The following ZNF354A variants were observed in gnomAD, a reference collection of about 807,000 sequenced individuals.
ZNF354A encodes the protein epididymis luminal protein 104.
A neutral mutation model predicts 53.3 loss-of-function variants in ZNF354A; 25 were observed. The ratio of observed to expected loss-of-function variants is 0.47; its 90% confidence interval spans 0.34 to 0.66. The LOEUF (loss-of-function observed/expected upper bound fraction) is 0.66. Ranked by LOEUF, ZNF354A falls within the 30% of genes least tolerant of loss-of-function variation. The pLI is 0.01. For synonymous variants in ZNF354A, 228 were observed against 249.0 expected, an observed-to-expected ratio of 0.92 and a Z score of 0.79; for missense variants, 586 against 716.8, an observed-to-expected ratio of 0.82 and a Z score of 2.08.
At position 178,730,623 on chromosome 5, in the gene ZNF354A, T is replaced by C. The variant is rs1207657004; in HGVS notation, c.-119A>G. 3 of 151,842 alleles carry C rather than the reference T, an allele frequency of 2.0e-5. No homozygotes were observed. Among genetic ancestry groups the C allele is most frequent in the Non-Finnish European group, 4.4e-5 (3 of 67,938 alleles). 9.4% of individuals were successfully genotyped at this position (151,842 alleles called of 1,614,324 possible). A position where few individuals can be genotyped will look rare whatever the true frequency, so the allele number is the denominator to read the frequency against. On this transcript the variant is annotated 5_prime_UTR_variant, in exon 1 of 5. Transcript: ENST00000335815. ...GAGGCTCCGGAACCGCCGGCCGGGA[T>C]GCAGCCTCGCGACCCGGCTCCGCCC...
intron 2 of ZNF354A, among the ~76,000 whole-genome samples, chr5:178,728,321 T>C (rs2113888467): frequency 6.6e-6 from 1 of 152,336 alleles, no homozygotes; most frequent in South Asian, 2.1e-4. Context: ...ATAGCGATGA[T>C]GGCTGCACAG....
chr5:178,721,276 G>A (rs1449768546), intron 4 of ZNF354A, among the ~76,000 whole-genome samples: 2 of 151,996 alleles, frequency 1.3e-5, no homozygotes, highest in Non-Finnish European at 2.9e-5. Flanking sequence ...GATGGTATAG[G>A]CTACTACACA....
In ZNF354A at chr5:178,713,335, G is replaced by A. The variant is rs781494916; in HGVS notation, c.543C>T (p.Pro181=). Residue 181 remains proline, a synonymous_variant, in exon 5 of 5, where the codon CCC becomes CCT. Transcript: ENST00000335815. ...KSVLIRQQIL[P]REKTPPKCEI... is the part of the protein sequence containing the mutation. ...CACATTTTGGTGGTGTTTTTTCTCT[G>A]GGAAGTATCTGTTGCCTAATAAGCA... 2 of 1,614,080 alleles carry A rather than the reference G, an allele frequency of 1.2e-6. No homozygotes were observed. The highest frequency in any genetic ancestry group is 2.2e-5 in the South Asian group (2 of 91,082).
rs113735918 is a variant in ZNF354A at position 178,718,267 on chromosome 5, A to G, written c.257-4646T>C. 4.8e-3 allele frequency among the ~76,000 whole-genome samples: 732 copies of G among 152,326 alleles called. 10 individuals carry two copies. Among genetic ancestry groups the G allele is most frequent in the African/African-American group, 0.017 (712 of 41,564 alleles). The stretch of plus-strand genomic sequence containing the variant: ...AATAGGTCTCCTGAGGTGCAGTTCA[A>G]CCTTTGCTTCCTCCTAGAATCAAGC... On this transcript the variant is annotated intron_variant, in intron 4 of 4. Transcript: ENST00000335815.
In ZNF354A at chr5:178,727,132, G is replaced by A. The variant is rs752372328; in HGVS notation, c.34-7C>T. ...CCTCAAACGTCAGTGACACCTGTAA[G>A]GACAAGTCGTTCCAGCTCACCCAGG... On this transcript the variant is annotated splice_polypyrimidine_tract_variant and splice_region_variant and intron_variant, in intron 2 of 4. Coordinates refer to ENST00000335815, the MANE Select transcript of ZNF354A (RefSeq NM_005649.3). 12 of 1,610,580 alleles carry A rather than the reference G, an allele frequency of 7.5e-6. No individual in the cohort carries two copies. Among genetic ancestry groups the A allele is most frequent in the Non-Finnish European group, 1.0e-5 (12 of 1,178,368 alleles).
In ZNF354A at chr5:178,725,326, T is replaced by C. The variant is rs1188566887; in HGVS notation, c.256+50A>G. The C allele has an allele frequency of 1.0e-5, 16 of 1,575,686 alleles. No homozygotes were observed. The East Asian group carries it at 3.1e-4, about 31-fold the overall frequency. Reference sequence around the variant, plus strand: ...AACCAACGTTCCTACCTCCTCTCATTAACCAGACCATTGTCTGCGGCCATT... The same window carrying C: ...AACCAACGTTCCTACCTCCTCTCATCAACCAGACCATTGTCTGCGGCCATT... On this transcript the variant is annotated intron_variant, in intron 4 of 4. Transcript: ENST00000335815.
At chr5:178,717,951 G>C (rs1191565573) in intron 4 of ZNF354A, among the ~76,000 whole-genome samples, 1 of 152,186 alleles carries the variant, frequency 6.6e-6, no homozygotes. Context: ...CCCAGCTGGA[G>C]TGCATGGAGG....
At chr5:178,720,618 A>G (rs1013814796) in intron 4 of ZNF354A, among the ~76,000 whole-genome samples, 1 of 152,230 alleles carries the variant, frequency 6.6e-6, no homozygotes, top group Non-Finnish European at 1.5e-5. Flanking sequence ...GGCCCTGCGA[A>G]TATCTTGATT....
At chr5:178,728,829 T>A (rs1021632003) in intron 2 of ZNF354A, among the ~76,000 whole-genome samples, 161 bp downstream of exon 2, 1 of 64,092 alleles carries the variant, frequency 1.6e-5, no homozygotes, top group African/African-American at 6.2e-5. Context: ...GTGGGGAGGG[T>A]GGGTGGTCCT....
At chr5:178,729,166 C>G in intron 1 of ZNF354A, 93 bp from the exon 2 acceptor site, 1 of 568,588 alleles carries the variant, frequency 1.8e-6, no homozygotes, top group Non-Finnish European at 3.2e-6. Context: ...GAGAAGGACC[C>G]CGCGCGCCCT....
intron 1 of ZNF354A, among the ~76,000 whole-genome samples, chr5:178,729,791 C>A (rs1765993686): frequency 6.6e-6 from 1 of 151,982 alleles, no homozygotes; most frequent in African/African-American, 2.4e-5. Context: ...AGGTGATCTG[C>A]CCGCCTTGGC....
At chr5:178,726,071 T>C (rs1765900378) in intron 3 of ZNF354A, 1 of 425,804 alleles carries the variant, frequency 2.3e-6, no homozygotes, top group East Asian at 7.2e-5. Context: ...CTTGATCTTC[T>C]GACCTTGTGA....
rs537673245 is a variant in ZNF354A, at chr5:178,711,876, T to C, written c.*184A>G. 19 of 612,082 alleles carry C rather than the reference T, an allele frequency of 3.1e-5. No individual in the cohort carries two copies. The East Asian group carries it at 5.9e-4, about 19-fold the overall frequency. 37.9% of individuals were successfully genotyped at this position (612,082 alleles called of 1,614,324 possible). On this transcript the variant is annotated 3_prime_UTR_variant, in exon 5 of 5. Transcript: ENST00000335815. ...ATCTCAGGTTATTTTTTTAAGTGTC[T>C]GACAGGCACAAACACTTTCCTCATA...
chr5:178,730,523 C>T (rs938796603), intron 1 of ZNF354A, 33 bp downstream of exon 1: 18 of 152,080 alleles, frequency 1.2e-4, no homozygotes, highest in African/African-American at 4.3e-4. Context: ...CGGGCGCCGC[C>T]TCCTACCGGC....
intron 4 of ZNF354A, among the ~76,000 whole-genome samples, chr5:178,723,022 A>C (rs1765839960): frequency 6.6e-6 from 1 of 152,190 alleles, no homozygotes; most frequent in Non-Finnish European, 1.5e-5. Flanking sequence ...CCCATGACAC[A>C]CTGCAGGGCG....
intron 4 of ZNF354A, among the ~76,000 whole-genome samples, chr5:178,719,743 C>G (rs929205258): frequency 3.9e-5 from 6 of 152,066 alleles, no homozygotes; most frequent in South Asian, 2.1e-4. Context: ...GTCAGGAGAT[C>G]GAGACCATCC....
At position 178,713,573 on chromosome 5, in the gene ZNF354A, G is replaced by C. The variant is rs986043840; in HGVS notation, c.305C>G (p.Ser102Cys). The C allele has an allele frequency of 1.3e-6, 2 of 1,596,724 alleles. No individual in the cohort carries two copies. Among genetic ancestry groups the C allele is most frequent in the Non-Finnish European group, 8.5e-7 (1 of 1,176,244 alleles). ...TTTCAGTATCAGTCCCTGAAATGAAGAGTCTTGTGTTTGCGTTGACTTTGT... is the reference window on the plus strand; with the variant it reads ...TTTCAGTATCAGTCCCTGAAATGAACAGTCTTGTGTTTGCGTTGACTTTGT... Reference protein sequence around the residue: ...KTTKSTQTQDSSFQGLILKRS... With the variant: ...KTTKSTQTQDCSFQGLILKRS... The change falls in exon 5 of 5, where the codon TCT becomes TGT. Residue 102 changes from serine to cysteine, a missense_variant. Coordinates refer to ENST00000335815, the MANE Select transcript of ZNF354A (RefSeq NM_005649.3).
At chr5:178,715,090 A>C (rs1278875557) in intron 4 of ZNF354A, among the ~76,000 whole-genome samples, 2 of 152,230 alleles carry the variant, frequency 1.3e-5, no homozygotes, top group Non-Finnish European at 2.9e-5. Flanking sequence ...AAAGAACAGA[A>C]GTGAAGAAAT....
At chr5:178,726,897 C>A (rs960314552) in intron 3 of ZNF354A, 102 bp downstream of exon 3, 2 of 1,496,718 alleles carry the variant, frequency 1.3e-6, no homozygotes, top group Non-Finnish European at 1.8e-6. Context: ...TCCTCACACA[C>A]TCAGCTCAAA....
Sources: gnomAD v4.1 joint callset for allele counts (sites outside exome capture counted in the v4.1 genomes callset) on GRCh38, gnomAD v4.1.1 for gene constraint, MANE v1.5 for transcripts, NCBI Gene and HGNC (gene_info 2026-07-23, HGNC 2026-07-21) for gene names.